Variants in UGT1A8 observed in about 807,000 individuals in gnomAD.
UGT1A8 encodes the protein UDP-glucuronosyltransferase 1A8.
In UGT1A8, 39 loss-of-function variants were observed where a neutral mutation model predicts 45.3. The observed-to-expected ratio is 0.86, with a 90% CI of 0.67 to 1.12. The LOEUF is 1.12. Among genes scored for constraint, UGT1A8 ranks in the 50% most tolerant of loss-of-function variants. The probability of loss-of-function intolerance (pLI) is 0.00; values close to 1 mark genes in which losing one functional copy is unlikely to be tolerated. For missense variants in UGT1A8, 719 were observed against 664.9 expected, an observed-to-expected ratio of 1.08 and a Z score of -0.90; for synonymous variants, 275 against 249.2, an observed-to-expected ratio of 1.10 and a Z score of -0.97.
chr2:233,767,305 GT>G (rs1444114295), intron 2 of UGT1A8, 140 bp downstream of exon 2: 24 of 1,519,088 alleles, frequency 1.6e-5, no homozygotes, highest in Middle Eastern at 1.8e-4. Context: ...TAATCCAAAG[GT>G]TTTTTTTGTT....
chr2:233,739,654 C>T (rs1048629610), intron 1 of UGT1A8, among the ~76,000 whole-genome samples: 2 of 152,192 alleles, frequency 1.3e-5, no homozygotes, highest in South Asian at 4.1e-4. Flanking sequence ...AATTTCTGTA[C>T]CCCCATTGTG....
chr2:233,697,564 T>C (rs2075398532), intron 1 of UGT1A8, among the ~76,000 whole-genome samples: 1 of 151,906 alleles, frequency 6.6e-6, no homozygotes, highest in Non-Finnish European at 1.5e-5. Flanking sequence ...TTAGCCTCAA[T>C]TTAATTTATT....
intron 1 of UGT1A8, among the ~76,000 whole-genome samples, chr2:233,621,070 A>G (rs28969675): frequency 0.023 from 3,545 of 152,290 alleles, 157 homozygotes; most frequent in African/African-American, 0.081. Context: ...GAGTCTATCC[A>G]GGAGAATTAC....
intron 1 of UGT1A8, among the ~76,000 whole-genome samples, chr2:233,712,177 C>T (rs28898598): frequency 0.021 from 3,273 of 152,310 alleles, 114 homozygotes; most frequent in African/African-American, 0.075. Context: ...GATCTGAGGC[C>T]AGGCTCCAGC....
At chr2:233,649,959 T>G (rs1488298101) in intron 1 of UGT1A8, among the ~76,000 whole-genome samples, 1 of 152,140 alleles carries the variant, frequency 6.6e-6, no homozygotes, top group African/African-American at 2.4e-5. Flanking sequence ...AAGAGATACT[T>G]CAAGGTTTTT....
chr2:233,693,452 G>T, intron 1 of UGT1A8: 1 of 1,614,126 alleles, frequency 6.2e-7, no homozygotes, highest in Non-Finnish European at 8.5e-7. Flanking sequence ...TCTTTTCACA[G>T]ACCCAGCCTT....
Position 233,772,276 on chromosome 2 carries a change from T to C in UGT1A8, c.1310T>C (p.Ile437Thr). 6.2e-7 allele frequency: 1 copy of C among 1,614,240 alleles called. No homozygotes were observed. The highest frequency in any genetic ancestry group is 8.5e-7 in the Non-Finnish European group (1 of 1,180,050). ...VINDKSYKEN[I>T]MRLSSLHKDR... ...TTTGTGTTTAGTTACAAGGAGAACA[T>C]CATGCGCCTCTCCAGCCTTCACAAG... The change falls in exon 5 of 5, where the codon ATC (isoleucine) becomes ACC (threonine). Residue 437 changes from isoleucine to threonine, a missense_variant. By Grantham distance (89) the Ile-to-Thr change is moderately conservative. Coordinates refer to ENST00000373450, the MANE Select transcript of UGT1A8 (RefSeq NM_019076.5).
rs1003535917 is a variant in UGT1A8, at chr2:233,692,765, G to A, written c.855+74203G>A. On this transcript the variant is annotated intron_variant, in intron 1 of 4. Coordinates refer to ENST00000373450, the MANE Select transcript of UGT1A8 (RefSeq NM_019076.5). ...AGAAGCAGACTTGTGGAGCTGAAGA[G>A]AAACACCCAGAAGCTCAGGTGAAAG... 4 of 1,253,520 alleles carry A rather than the reference G, an allele frequency of 3.2e-6. No individual in the cohort carries two copies. The African/African-American group carries it at 6.1e-5, about 19-fold the overall frequency. The allele number at this position is 1,253,520 out of a possible 1,614,324, so 77.6% of individuals were successfully genotyped here.
At position 233,618,015 on chromosome 2, in the gene UGT1A8, G is replaced by A. The variant is rs374980275; in HGVS notation, c.308G>A (p.Arg103Gln). The A allele has an allele frequency of 2.4e-5, 39 of 1,614,044 alleles. No homozygotes were observed. The highest frequency in any genetic ancestry group is 1.1e-4 in the African/African-American group (8 of 74,908). Residue 103 changes from arginine to glutamine, a missense_variant, in exon 1 of 5, where the codon CGA (arginine) becomes CAA (glutamine). Transcript: ENST00000373450. ...FADAQWKAQV[R>Q]SLFSLFLSSS... ...GATGCTCAATGGAAAGCACAAGTAC[G>A]AAGTTTGTTTTCTCTATTTCTGAGT...
chr2:233,687,329 T>C (rs191504719), intron 1 of UGT1A8, among the ~76,000 whole-genome samples: 1 of 152,192 alleles, frequency 6.6e-6, no homozygotes, highest in African/African-American at 2.4e-5. Flanking sequence ...CAAGTTTCCC[T>C]TGAATGATTT....
At chr2:233,770,232 T>C (rs980234122) in intron 4 of UGT1A8, 2 of 152,214 alleles carry the variant, frequency 1.3e-5, no homozygotes, top group Non-Finnish European at 2.9e-5. Flanking sequence ...ATTGTGAATC[T>C]CCATGATTCC....
At chr2:233,747,624 A>C in intron 1 of UGT1A8, 3 of 1,577,546 alleles carry the variant, frequency 1.9e-6, no homozygotes, top group Non-Finnish European at 2.6e-6. Flanking sequence ...TGAGGCCCTG[A>C]TCAGGCACCT....
intron 1 of UGT1A8, chr2:233,740,704 A>G (rs1042428979): frequency 6.6e-6 from 1 of 151,780 alleles, no homozygotes; most frequent in African/African-American, 2.4e-5. Context: ...AGGGATTTCA[A>G]GAGGGTCATC....
intron 1 of UGT1A8, among the ~76,000 whole-genome samples, chr2:233,665,415 T>A (rs1379667513): frequency 3.3e-5 from 5 of 152,256 alleles, no homozygotes; most frequent in Non-Finnish European, 4.4e-5. Context: ...CCAGCAGCTT[T>A]ACTTCTCTCA....
At chr2:233,735,547 G>A (rs571609142) in intron 1 of UGT1A8, among the ~76,000 whole-genome samples, 2 of 152,250 alleles carry the variant, frequency 1.3e-5, no homozygotes, top group South Asian at 4.1e-4. Flanking sequence ...ATTTGATCCT[G>A]TCATTATGGT....
intron 1 of UGT1A8, among the ~76,000 whole-genome samples, chr2:233,644,764 T>C (rs76633216): frequency 6.6e-6 from 1 of 152,052 alleles, no homozygotes; most frequent in Non-Finnish European, 1.5e-5. Flanking sequence ...ACATAGGAGA[T>C]GCAGAACTTT....
Position 233,719,440 on chromosome 2 carries a change from T to G in UGT1A8, c.856-47594T>G, listed in dbSNP as rs2076766565. The G allele has an allele frequency of 3.7e-6, 6 of 1,613,928 alleles. No individual in the cohort carries two copies. In the East Asian group the frequency reaches 1.3e-4, roughly 36 times the overall value. ...ACGACCAATTCAGACCACATGACAT[T>G]CCTGCAAAGGGTCAAGAACATGCTC... On this transcript the variant is annotated intron_variant, in intron 1 of 4. Coordinates refer to ENST00000373450, the MANE Select transcript of UGT1A8 (RefSeq NM_019076.5).
intron 1 of UGT1A8, among the ~76,000 whole-genome samples, chr2:233,653,620 A>G (rs1482154430): frequency 1.3e-5 from 2 of 152,174 alleles, no homozygotes; most frequent in African/African-American, 4.8e-5. Context: ...TTTTTGAGAC[A>G]GAGTCTCGCT....
intron 1 of UGT1A8, among the ~76,000 whole-genome samples, chr2:233,634,782 G>A (rs1461600362): frequency 2.0e-5 from 3 of 150,518 alleles, no homozygotes; most frequent in Non-Finnish European, 4.4e-5. Flanking sequence ...CTTTTAATTG[G>A]GGCATTTAGC....
Sources: allele counts gnomAD v4.1 joint callset (sites outside exome capture counted in the v4.1 genomes callset), GRCh38; gene constraint gnomAD v4.1.1; transcripts MANE v1.5; gene names NCBI Gene and HGNC (gene_info 2026-07-23, HGNC 2026-07-21).